The following PIGX variants were observed in gnomAD, a reference collection of about 807,000 sequenced individuals.
The protein encoded by PIGX is phosphatidylinositol glycan anchor biosynthesis class X.
Under a neutral mutation model 28.7 loss-of-function variants are expected in PIGX, and 24 were observed. The ratio of observed to expected loss-of-function variants is 0.84; its 90% CI spans 0.60 to 1.17. PIGX has a LOEUF of 1.17. Among genes scored for constraint, PIGX ranks in the 50% most tolerant of loss-of-function variants. The pLI is 0.00. For synonymous variants in PIGX, 127 were observed against 121.0 expected (o/e 1.05, Z -0.33); for missense variants, 305 against 317.8 (o/e 0.96, Z 0.31).
chr3:196,716,074 A>G (rs1352222145), intron 1 of PIGX, among the ~76,000 whole-genome samples: 5 of 152,136 alleles, frequency 3.3e-5, no homozygotes, highest in Admixed American at 3.3e-4. Flanking sequence ...GTGCAGTGGT[A>G]TAATCATAGC....
rs768476850 is a variant in PIGX, at chr3:196,716,840, A to T, written c.113-18A>T. ...TCAGTGCTTTTGTTTTTAAAAAAAA[A>T]TCGTTTGGTTCTTATAGGCATAAGG... On this transcript the variant is annotated intron_variant, in intron 1 of 5. Transcript: ENST00000392391. 2 of 1,449,026 alleles carry T rather than the reference A, an allele frequency of 1.4e-6. No individual in the cohort carries two copies. Among genetic ancestry groups the T allele is most frequent in the South Asian group, 2.7e-5 (2 of 74,046 alleles). 89.8% of individuals were successfully genotyped at this position (1,449,026 alleles called of 1,614,324 possible). A position where few individuals can be genotyped will look rare whatever the true frequency, so the allele number is the denominator to read the frequency against.
chr3:196,731,155 G>T, intron 5 of PIGX, 63 bp downstream of exon 5: 13 of 870,308 alleles, frequency 1.5e-5, no homozygotes, highest in Middle Eastern at 2.7e-4. Flanking sequence ...TTTCTGTAAT[G>T]TTCCTGCCAC....
chr3:196,722,391 A>G (rs1251861209), intron 2 of PIGX, 24 bp from the exon 3 acceptor site: 5 of 1,568,818 alleles, frequency 3.2e-6, no homozygotes. Flanking sequence ...GAAGAGATTT[A>G]CTTTCAATGT....
chr3:196,724,306 G>C (rs1015109676), intron 3 of PIGX, among the ~76,000 whole-genome samples: 1 of 151,984 alleles, frequency 6.6e-6, no homozygotes, highest in African/African-American at 2.4e-5. Flanking sequence ...TGAGCCACCG[G>C]CCAGAAGGAT....
Position 196,734,026 on chromosome 3 carries a change from C to A in PIGX, c.*124C>A. The A allele has an allele frequency of 1.5e-6, 1 of 662,024 alleles. No homozygotes were observed. 41.0% of individuals were successfully genotyped at this position (662,024 alleles called of 1,614,324 possible). A position where few individuals can be genotyped will look rare whatever the true frequency, so the allele number is the denominator to read the frequency against. ...TCATTTGTGGCCAAAATTATGTTTA[C>A]TAGAGGAAATTTGGGATCATTCTCA... On this transcript the variant is annotated 3_prime_UTR_variant, in exon 6 of 6. Coordinates refer to ENST00000392391, the MANE Select transcript of PIGX (RefSeq NM_017861.4).
intron 1 of PIGX, among the ~76,000 whole-genome samples, chr3:196,716,357 A>C (rs1433435589): frequency 6.6e-6 from 1 of 152,164 alleles, no homozygotes; most frequent in African/African-American, 2.4e-5. Flanking sequence ...AGAATATAGA[A>C]GTTGCCAGTA....
intron 3 of PIGX, among the ~76,000 whole-genome samples, chr3:196,727,602 TTC>T (rs2108685497): frequency 6.6e-6 from 1 of 152,322 alleles, no homozygotes; most frequent in East Asian, 1.9e-4. Flanking sequence ...TTCACAAAAT[TTC>T]TCTGTCTTAG....
At chr3:196,729,388 AGATGTTTT>A (rs1712654511) in intron 4 of PIGX, among the ~76,000 whole-genome samples, 1 of 151,780 alleles carries the variant, frequency 6.6e-6, no homozygotes, top group African/African-American at 2.4e-5. Flanking sequence ...AGTCTTCTCA[AGATGTTTT>A]CTTTCTTTCT....
chr3:196,712,496 C>T lies in PIGX; in HGVS notation c.-37C>T, dbSNP rs574729122. The T allele has an allele frequency of 4.7e-5, 49 of 1,038,578 alleles. No homozygotes were observed. The South Asian group carries it at 1.6e-3, about 35-fold the overall frequency. The allele number at this position is 1,038,578 out of a possible 1,614,324, so 64.3% of individuals were successfully genotyped here. On this transcript the variant is annotated 5_prime_UTR_variant, in exon 1 of 6. Transcript: ENST00000392391. Reference sequence around the variant, plus strand: ...GCCCCTTCCTGCGTCCGCACCTGGCCCCGCGCGCCCCTCTCGGGCGTCCGG... The same window carrying T: ...GCCCCTTCCTGCGTCCGCACCTGGCTCCGCGCGCCCCTCTCGGGCGTCCGG...
At chr3:196,719,862 G>A (rs940992059) in intron 2 of PIGX, among the ~76,000 whole-genome samples, 15 of 151,600 alleles carry the variant, frequency 9.9e-5, no homozygotes, top group Non-Finnish European at 1.8e-4. Flanking sequence ...CGATCTCGGC[G>A]CACTGCAACT....
chr3:196,726,823 G>C, intron 3 of PIGX: 1 of 307,744 alleles, frequency 3.2e-6, no homozygotes. Flanking sequence ...TATAACAGTA[G>C]ATAGATCGAG....
chr3:196,729,042 C>T (rs67921396), intron 4 of PIGX, among the ~76,000 whole-genome samples: 109,356 of 152,002 alleles, frequency 0.72, 39,376 homozygotes, highest in Admixed American at 0.75. Flanking sequence ...ACTGAAAAAT[C>T]AGCTTTTGCT....
chr3:196,724,889 C>G (rs1050201057), intron 3 of PIGX, among the ~76,000 whole-genome samples: 2 of 152,044 alleles, frequency 1.3e-5, no homozygotes, highest in Non-Finnish European at 2.9e-5. Context: ...GCTTGTATAC[C>G]TGGATTAATG....
chr3:196,731,638 G>T (rs975764215), intron 5 of PIGX, among the ~76,000 whole-genome samples: 3 of 152,120 alleles, frequency 2.0e-5, no homozygotes, highest in Admixed American at 2.0e-4. Context: ...TGAGTAGGTT[G>T]CCATTGCCAT....
chr3:196,733,843 A>C lies in PIGX; in HGVS notation c.718A>C (p.Ile240Leu). The change falls in exon 6 of 6, where the codon ATC becomes CTC. Residue 240 changes from isoleucine (I) to leucine (L), a missense_variant. Coordinates refer to ENST00000392391, the MANE Select transcript of PIGX (RefSeq NM_017861.4). The surrounding 1 kb of genome is among the most constrained non-coding windows in gnomAD (Gnocchi z 4.3). ...ATGTTCTGTGACTCTGCTCATTACAATCCTGTGCTCTACATTGATCCTTGT... is the reference window on the plus strand; with the variant it reads ...ATGTTCTGTGACTCTGCTCATTACACTCCTGTGCTCTACATTGATCCTTGT... 6.2e-7 allele frequency: 1 copy of C among 1,601,700 alleles called. No individual in the cohort carries two copies.
chr3:196,726,765 G>T, intron 3 of PIGX: 1 of 450,424 alleles, frequency 2.2e-6, no homozygotes, highest in South Asian at 1.6e-5. Flanking sequence ...ACTGGTAAAT[G>T]TTATAGGTTA....
chr3:196,732,368 G>A (rs574491506), intron 5 of PIGX, among the ~76,000 whole-genome samples: 130 of 144,400 alleles, frequency 9.0e-4, no homozygotes, highest in African/African-American at 3.0e-3. Context: ...CACAACCTCC[G>A]CCTCCCGGGT....
chr3:196,713,548 C>G (rs924485414), intron 1 of PIGX, among the ~76,000 whole-genome samples: 1 of 152,042 alleles, frequency 6.6e-6, no homozygotes, highest in Admixed American at 6.5e-5. Flanking sequence ...CTCAGGTGGT[C>G]CACCCTCCTC....
Position 196,728,155 on chromosome 3 carries a change from T to C in PIGX, c.532+19T>C, listed in dbSNP as rs1460413297. 6.3e-7 allele frequency: 1 copy of C among 1,596,550 alleles called. No individual in the cohort carries two copies. Among genetic ancestry groups the C allele is most frequent in the African/African-American group, 1.3e-5 (1 of 74,580 alleles). ...GACCAAGGTGAGGGCTGCAAGTGTT[T>C]TCTAAGGGTTGAAACATCAGAATAA... is the stretch of plus-strand genomic sequence containing the variant. On this transcript the variant is annotated intron_variant, in intron 4 of 5. Coordinates refer to ENST00000392391, the MANE Select transcript of PIGX (RefSeq NM_017861.4).
Sources: allele counts gnomAD v4.1 joint callset (sites outside exome capture counted in the v4.1 genomes callset), GRCh38; gene constraint gnomAD v4.1.1; non-coding constraint Gnocchi (gnomAD v3.1); transcripts MANE v1.5; gene names NCBI Gene and HGNC (gene_info 2026-07-23, HGNC 2026-07-21).